KCND3: variants seen among roughly 807,000 people sequenced by gnomAD.
KCND3 encodes A-type voltage-gated potassium channel KCND3.
Under a neutral mutation model 51.1 loss-of-function variants are expected in KCND3, and 9 were observed. The observed-to-expected ratio is 0.18, with a 90% CI of 0.11 to 0.31. KCND3 has a LOEUF of 0.31. Ranked by LOEUF, KCND3 falls within the 10% of genes least tolerant of loss-of-function variation. The pLI is 1.00. For synonymous variants in KCND3, 349 were observed against 368.0 expected (o/e 0.95, Z 0.59); for missense variants, 526 against 903.8 (o/e 0.58, Z 5.36).
Position 111,780,586 on chromosome 1 carries a change from G to A in KCND3, c.1371+104C>T, listed in dbSNP as rs770961657. ...AAAGTTTGGAAACGTGTCCTCCTTG[G>A]GGTTCATACTGGGGCTCTGGTGAGA... On this transcript the variant is annotated intron_variant, in intron 4 of 7. Coordinates refer to ENST00000302127, the MANE Select transcript of KCND3 (RefSeq NM_001378969.1). This position sits in a 1 kb window ranked among gnomAD's most constrained non-coding sequence, Gnocchi z 4.2. The A allele has an allele frequency of 2.8e-5, 29 of 1,034,392 alleles. No individual in the cohort carries two copies. Among genetic ancestry groups the A allele is most frequent in the Non-Finnish European group, 3.8e-5 (26 of 677,366 alleles). The allele number at this position is 1,034,392 out of a possible 1,614,324, so 64.1% of individuals were successfully genotyped here. A position where few individuals can be genotyped will look rare whatever the true frequency, so the allele number is the denominator to read the frequency against.
chr1:111,845,036 C>G (rs940529340), intron 2 of KCND3, among the ~76,000 whole-genome samples: 1 of 152,168 alleles, frequency 6.6e-6, no homozygotes, highest in Non-Finnish European at 1.5e-5. Context: ...GTGCAGTCCA[C>G]GTGCATTCTC....
rs577627896 is a variant in KCND3, at chr1:111,961,823, G to A, written c.1106+19798C>T. Among the ~76,000 whole-genome samples the A allele has an allele frequency of 1.1e-4, 17 of 152,282 alleles. No homozygotes were observed. In the East Asian group the frequency reaches 3.1e-3, roughly 28 times the overall value. ...GGCTAATACTGGGGCTATCGCCTCAGCTTTCTCATGTCTGAGACAAGGGGG... is the reference window on the plus strand; with the variant it reads ...GGCTAATACTGGGGCTATCGCCTCAACTTTCTCATGTCTGAGACAAGGGGG... On this transcript the variant is annotated intron_variant, in intron 2 of 7. Coordinates refer to ENST00000302127, the MANE Select transcript of KCND3 (RefSeq NM_001378969.1).
intron 2 of KCND3, among the ~76,000 whole-genome samples, chr1:111,832,483 A>G (rs1666878107): frequency 6.6e-6 from 1 of 152,016 alleles, no homozygotes; most frequent in African/African-American, 2.4e-5. Context: ...TTACCCATAT[A>G]TTTCCCCATT....
At chr1:111,795,135 A>C (rs765116691) in intron 2 of KCND3, among the ~76,000 whole-genome samples, 6 of 152,090 alleles carry the variant, frequency 3.9e-5, no homozygotes, top group Non-Finnish European at 7.4e-5. Context: ...AAGGTGGGAG[A>C]CTTGGGAAAT....
At chr1:111,842,444 T>C (rs1355102496) in intron 2 of KCND3, among the ~76,000 whole-genome samples, 2 of 152,064 alleles carry the variant, frequency 1.3e-5, no homozygotes, top group East Asian at 1.9e-4. Context: ...AGAGGTCCAG[T>C]GAGGCTCTGA....
Position 111,780,377 on chromosome 1 carries a change from C to A in KCND3, c.1372-63G>T. The A allele has an allele frequency of 7.1e-7, 1 of 1,411,608 alleles. No individual in the cohort carries two copies. The highest frequency in any genetic ancestry group is 9.8e-7 in the Non-Finnish European group (1 of 1,019,510). 87.4% of individuals were successfully genotyped at this position (1,411,608 alleles called of 1,614,324 possible). On this transcript the variant is annotated intron_variant, in intron 4 of 7. Transcript: ENST00000302127. This position sits in a 1 kb window ranked among gnomAD's most constrained non-coding sequence, Gnocchi z 4.2. ...TGGCTCTTCCCCTCTCCAGCTCCTT[C>A]ATTTCTCCACTAAAGGTCAAAGGGC...
intron 2 of KCND3, among the ~76,000 whole-genome samples, chr1:111,796,103 T>C (rs1187269885): frequency 6.6e-6 from 1 of 152,236 alleles, no homozygotes; most frequent in Non-Finnish European, 1.5e-5. Flanking sequence ...TCGGATTGCA[T>C]AGTTTGCAAA....
intron 2 of KCND3, among the ~76,000 whole-genome samples, chr1:111,928,804 GTGTCAC>G (rs2101855190): frequency 6.6e-6 from 1 of 152,316 alleles, no homozygotes; most frequent in Non-Finnish European, 1.5e-5. Context: ...CCTGGGAGCA[GTGTCAC>G]TGTGGGATGT....
At chr1:111,925,837 T>C (rs1395529457) in intron 2 of KCND3, among the ~76,000 whole-genome samples, 1 of 151,836 alleles carries the variant, frequency 6.6e-6, no homozygotes, top group Non-Finnish European at 1.5e-5. Flanking sequence ...CCCCCCAACA[T>C]GAGATTAAAG....
chr1:111,924,316 GGTC>G (rs1671602597), intron 2 of KCND3, among the ~76,000 whole-genome samples: 1 of 152,190 alleles, frequency 6.6e-6, no homozygotes, highest in South Asian at 2.1e-4. Context: ...GCTATAAAGT[GGTC>G]TCTGAGCAAT....
At chr1:111,804,946 G>A (rs556157605) in intron 2 of KCND3, among the ~76,000 whole-genome samples, 25 of 152,272 alleles carry the variant, frequency 1.6e-4, no homozygotes, top group African/African-American at 5.3e-4. Context: ...AGGCGCCACC[G>A]CCTTCCCCAC....
intron 2 of KCND3, among the ~76,000 whole-genome samples, chr1:111,923,972 C>G (rs960079060): frequency 3.3e-5 from 5 of 152,190 alleles, no homozygotes; most frequent in Admixed American, 1.3e-4. Context: ...CTTAGGACTT[C>G]AATCATGCAG....
intron 2 of KCND3, among the ~76,000 whole-genome samples, chr1:111,975,024 C>G (rs1422433682): frequency 2.0e-5 from 3 of 152,234 alleles, no homozygotes; most frequent in African/African-American, 7.2e-5. Context: ...GCTTCCTCTG[C>G]TGCAGCTATC....
chr1:111,876,891 C>T (rs1274664500), intron 2 of KCND3, among the ~76,000 whole-genome samples: 1 of 152,198 alleles, frequency 6.6e-6, no homozygotes, highest in African/African-American at 2.4e-5. Flanking sequence ...GGTGCTTCCT[C>T]CAGCATCAAG....
chr1:111,786,180 T>C (rs1231913633), intron 3 of KCND3, among the ~76,000 whole-genome samples: 1 of 152,230 alleles, frequency 6.6e-6, no homozygotes, highest in Non-Finnish European at 1.5e-5. Context: ...ACTGGCTAGA[T>C]GCCTTAAAAA....
chr1:111,932,387 G>A (rs1672018262), intron 2 of KCND3, among the ~76,000 whole-genome samples: 1 of 152,134 alleles, frequency 6.6e-6, no homozygotes, highest in African/African-American at 2.4e-5. Flanking sequence ...GGGTTTTGTT[G>A]GTTTGTTTTT....
intron 2 of KCND3, 53 bp from the exon 3 acceptor site, chr1:111,787,159 A>C (rs1571636692): frequency 7.6e-6 from 12 of 1,569,184 alleles, no homozygotes; most frequent in Non-Finnish European, 1.1e-5. Context: ...TTTGGGAAAC[A>C]AGGCAGGCTT....
At chr1:111,807,659 G>C (rs991406697) in intron 2 of KCND3, among the ~76,000 whole-genome samples, 3 of 152,130 alleles carry the variant, frequency 2.0e-5, no homozygotes, top group Non-Finnish European at 4.4e-5. Flanking sequence ...CTGGGCGACA[G>C]AGCAAGACTC....
intron 2 of KCND3, among the ~76,000 whole-genome samples, chr1:111,884,498 C>T (rs746115796): frequency 3.3e-5 from 5 of 152,118 alleles, no homozygotes; most frequent in African/African-American, 7.2e-5. Context: ...GAGCCAGACC[C>T]GAAGTCATCG....
Sources: allele counts gnomAD v4.1 joint callset (sites outside exome capture counted in the v4.1 genomes callset), GRCh38; gene constraint gnomAD v4.1.1; non-coding constraint Gnocchi (gnomAD v3.1); transcripts MANE v1.5; gene names NCBI Gene and HGNC (gene_info 2026-07-23, HGNC 2026-07-21).